MYRIP: variants seen among roughly 807,000 people sequenced by gnomAD.
The protein encoded by MYRIP is myosin VIIA and Rab interacting protein.
A neutral mutation model predicts 98.0 loss-of-function variants in MYRIP; 49 were observed. That is an observed-to-expected ratio of 0.50 (90% CI 0.40 to 0.63). The LOEUF (loss-of-function observed/expected upper bound fraction) is 0.63, where lower values mean the gene tolerates loss of function less well. Ranked by LOEUF, MYRIP falls within the 30% of genes least tolerant of loss-of-function variation. The pLI is 0.00. For missense variants in MYRIP, 1,004 were observed against 1,058.2 expected, an observed-to-expected ratio of 0.95 and a Z score of 0.71; for synonymous variants, 404 against 409.5, an observed-to-expected ratio of 0.99 and a Z score of 0.16.
Position 40,194,748 on chromosome 3 carries a change from AT to A in MYRIP, c.1665+4292del, listed in dbSNP as rs996559515. ...ATTTACTTTCAGTGAAGTTTTATAGATTTTTTTCAAAGCTCTTATACTCTTC... is the reference window on the plus strand; with the variant it reads ...ATTTACTTTCAGTGAAGTTTTATAGATTTTTTCAAAGCTCTTATACTCTTC... On this transcript the variant is annotated intron_variant, in intron 10 of 16. Transcript: ENST00000302541. 4.6e-4 allele frequency among the ~76,000 whole-genome samples: 70 copies of A among 152,030 alleles called. 1 individual carries two copies. The highest frequency in any genetic ancestry group is 1.6e-3 in the African/African-American group (68 of 41,476).
chr3:39,824,681 A>G lies in MYRIP; in HGVS notation c.-31+14765A>G, dbSNP rs527928593. On this transcript the variant is annotated intron_variant, in intron 1 of 16. Transcript: ENST00000302541. ...TTTTCAGATAGTTGATTGTTTGTGC[A>G]TATTAATCCTACTAATCCGACTGAT... Among the ~76,000 whole-genome samples the G allele has an allele frequency of 2.7e-5, 4 of 149,254 alleles. No homozygotes were observed. The South Asian group carries it at 8.4e-4, about 31-fold the overall frequency.
At chr3:39,895,438 C>A (rs774061513) in intron 1 of MYRIP, among the ~76,000 whole-genome samples, 2 of 152,088 alleles carry the variant, frequency 1.3e-5, no homozygotes, top group South Asian at 4.1e-4. Flanking sequence ...CCACCCACCT[C>A]GGCCTCCCAA....
At position 40,151,058 on chromosome 3, in the gene MYRIP, G is replaced by T. The variant is rs555961853; in HGVS notation, c.343G>T (p.Ala115Ser). 3 of 1,589,750 alleles carry T rather than the reference G, an allele frequency of 1.9e-6. No individual in the cohort carries two copies. The highest frequency in any genetic ancestry group is 2.6e-6 in the Non-Finnish European group (3 of 1,166,438). The part of the protein sequence containing the change: ...CVCQQARLLR[A>S]QSLEWFYNNV... ...TTCTGTTTTCCTCAGGCTTCTGAGG[G>T]CCCAATCTCTGGAATGGTTCTACAA... is the stretch of plus-strand genomic sequence containing the variant. The change falls in exon 4 of 17, where the codon GCC (alanine) becomes TCC (serine). Residue 115 changes from alanine (A) to serine (S), a missense_variant. By Grantham distance (99) the Ala-to-Ser change is moderately conservative (BLOSUM62 1). Transcript: ENST00000302541.
At chr3:40,250,896 C>T (rs1197103990) in intron 15 of MYRIP, among the ~76,000 whole-genome samples, 1 of 152,244 alleles carries the variant, frequency 6.6e-6, no homozygotes, top group East Asian at 1.9e-4. Context: ...AAACTCCCAT[C>T]CATCTCTGGC....
Position 40,000,843 on chromosome 3 carries a change from C to CACTTGTTCA in MYRIP, c.111-43206_111-43198dup, listed in dbSNP as rs369971458. On this transcript the variant is annotated intron_variant, in intron 2 of 16. Transcript: ENST00000302541. ...AGGTTTAATAGATAGAAGTTATACA[C>CACTTGTTCA]ACTTGTTCATTTTTCCTAAAATGTT... is the stretch of plus-strand genomic sequence containing the variant. 8.1e-3 allele frequency among the ~76,000 whole-genome samples: 1,226 copies of CACTTGTTCA among 152,266 alleles called. 15 individuals are homozygous for CACTTGTTCA. The highest frequency in any genetic ancestry group is 0.028 in the African/African-American group (1,151 of 41,540).
intron 1 of MYRIP, among the ~76,000 whole-genome samples, chr3:39,889,700 T>G (rs1367688487): frequency 2.0e-5 from 3 of 151,958 alleles, no homozygotes; most frequent in African/African-American, 7.2e-5. Flanking sequence ...AAAAGACAAT[T>G]TTTTCCTCAT....
chr3:39,932,549 T>C (rs746569830), intron 2 of MYRIP, among the ~76,000 whole-genome samples: 1 of 151,746 alleles, frequency 6.6e-6, no homozygotes, highest in South Asian at 2.1e-4. Flanking sequence ...TTTTGGGGGT[T>C]TTTTTTGGTT....
intron 3 of MYRIP, among the ~76,000 whole-genome samples, chr3:40,074,337 G>T (rs1428325009): frequency 6.6e-6 from 1 of 152,084 alleles, no homozygotes; most frequent in East Asian, 1.9e-4. Flanking sequence ...GCCTCCCAAA[G>T]TGCTGGGATT....
intron 1 of MYRIP, among the ~76,000 whole-genome samples, chr3:39,836,237 A>G (rs1333590240): frequency 3.9e-5 from 6 of 152,108 alleles, no homozygotes; most frequent in African/African-American, 7.2e-5. Flanking sequence ...CTCTTTCTCC[A>G]CATCCTCTCC....
intron 10 of MYRIP, among the ~76,000 whole-genome samples, chr3:40,204,386 T>G (rs1350804284): frequency 6.7e-6 from 1 of 149,804 alleles, no homozygotes; most frequent in Non-Finnish European, 1.5e-5. Context: ...TTTGCCATTT[T>G]GGCCAGGCTG....
At chr3:39,886,980 A>G (rs1216677061) in intron 1 of MYRIP, among the ~76,000 whole-genome samples, 5 of 151,986 alleles carry the variant, frequency 3.3e-5, no homozygotes, top group African/African-American at 1.2e-4. Context: ...AGAAATTATA[A>G]CAAACTGTCT....
chr3:39,985,637 C>A (rs1946013500), intron 2 of MYRIP, among the ~76,000 whole-genome samples: 1 of 142,004 alleles, frequency 7.0e-6, no homozygotes, highest in African/African-American at 2.8e-5. Context: ...AGAACAGAGC[C>A]CTCAGAAATA....
chr3:39,894,889 T>G (rs768587980), intron 1 of MYRIP, among the ~76,000 whole-genome samples: 8 of 152,212 alleles, frequency 5.3e-5, no homozygotes, highest in Non-Finnish European at 8.8e-5. Context: ...ACTGCCAGAT[T>G]GCCATCTAAA....
At chr3:39,839,548 G>A (rs368873790) in intron 1 of MYRIP, among the ~76,000 whole-genome samples, 3 of 152,106 alleles carry the variant, frequency 2.0e-5, no homozygotes, top group African/African-American at 4.8e-5. Context: ...ATGGGCCACC[G>A]CGCCTGCCCT....
chr3:40,178,831 G>T (rs77520650), intron 8 of MYRIP, among the ~76,000 whole-genome samples: 2,912 of 152,244 alleles, frequency 0.019, 40 homozygotes, highest in South Asian at 0.074. Context: ...TAAAGAGGAA[G>T]GGCCTATCTG....
At chr3:39,839,830 G>T (rs2089978165) in intron 1 of MYRIP, among the ~76,000 whole-genome samples, 1 of 152,118 alleles carries the variant, frequency 6.6e-6, no homozygotes, top group Non-Finnish European at 1.5e-5. Flanking sequence ...TTGCACTGTG[G>T]TCTGAGAGAC....
At chr3:40,252,835 GGGA>G (rs1306726887) in intron 16 of MYRIP, among the ~76,000 whole-genome samples, 1 of 152,096 alleles carries the variant, frequency 6.6e-6, no homozygotes, top group African/African-American at 2.4e-5. Context: ...AGTCTAAAGA[GGGA>G]CAGCTCTTTA....
At chr3:39,973,957 T>C (rs1575427142) in intron 2 of MYRIP, among the ~76,000 whole-genome samples, 1 of 152,138 alleles carries the variant, frequency 6.6e-6, no homozygotes, top group East Asian at 1.9e-4. Context: ...AGGAAAGATC[T>C]AAAATGGACA....
intron 2 of MYRIP, among the ~76,000 whole-genome samples, chr3:39,946,309 T>C (rs1254846040): frequency 6.6e-5 from 10 of 152,156 alleles, no homozygotes; most frequent in East Asian, 1.9e-4. Flanking sequence ...GTGGGCAGAA[T>C]GTTACAATGG....
Sources: allele counts gnomAD v4.1 joint callset (sites outside exome capture counted in the v4.1 genomes callset), GRCh38; gene constraint gnomAD v4.1.1; transcripts MANE v1.5; gene names NCBI Gene and HGNC (gene_info 2026-07-23, HGNC 2026-07-21).